GPC6: variants seen among roughly 807,000 people sequenced by gnomAD.
The protein encoded by GPC6 is glypican-6.
A neutral mutation model predicts 55.2 loss-of-function variants in GPC6; 14 were observed. The ratio of observed to expected loss-of-function variants is 0.25; its 90% confidence interval spans 0.17 to 0.40. GPC6 has a LOEUF of 0.40. GPC6 is among the 10% of genes least tolerant of loss of function. The probability of loss-of-function intolerance (pLI) is 1.00; values close to 1 mark genes in which losing one functional copy is unlikely to be tolerated. For missense variants in GPC6, 641 were observed against 708.5 expected, an observed-to-expected ratio of 0.90 and a Z score of 1.08; for synonymous variants, 278 against 259.6, an observed-to-expected ratio of 1.07 and a Z score of -0.68.
chr13:93,849,164 T>C (rs1262299653), intron 3 of GPC6, among the ~76,000 whole-genome samples: 1 of 152,166 alleles, frequency 6.6e-6, no homozygotes, highest in Non-Finnish European at 1.5e-5. Context: ...AGACGTTGAA[T>C]AAATATTATT....
At chr13:93,866,010 T>G (rs1888954877) in intron 3 of GPC6, among the ~76,000 whole-genome samples, 1 of 151,690 alleles carries the variant, frequency 6.6e-6, no homozygotes, top group Non-Finnish European at 1.5e-5. Context: ...GAGTCAAAGC[T>G]TAAGGGTACC....
intron 1 of GPC6, among the ~76,000 whole-genome samples, chr13:93,402,410 T>C (rs552289892): frequency 5.4e-4 from 82 of 152,180 alleles, no homozygotes; most frequent in Non-Finnish European, 8.8e-4. Context: ...TTATTCTTAA[T>C]GAATGATTTT....
At chr13:94,383,522 A>G (rs978235326) in intron 7 of GPC6, among the ~76,000 whole-genome samples, 13 of 152,228 alleles carry the variant, frequency 8.5e-5, no homozygotes, top group African/African-American at 3.1e-4. Context: ...CTTGAGCCCA[A>G]GAGTTTGAAA....
chr13:93,901,386 T>G (rs950403419), intron 3 of GPC6, among the ~76,000 whole-genome samples: 14 of 151,690 alleles, frequency 9.2e-5, no homozygotes, highest in East Asian at 1.9e-4. Context: ...CTACTTTTTT[T>G]TGTGTGTGAA....
chr13:93,446,281 A>G (rs536332996), intron 1 of GPC6, among the ~76,000 whole-genome samples: 34 of 152,230 alleles, frequency 2.2e-4, no homozygotes, highest in African/African-American at 7.9e-4. Flanking sequence ...TAGAACCCCC[A>G]GTTTTTCATC....
At chr13:93,682,683 A>G (rs1308738472) in intron 2 of GPC6, among the ~76,000 whole-genome samples, 1 of 151,204 alleles carries the variant, frequency 6.6e-6, no homozygotes, top group Admixed American at 6.6e-5. Context: ...ATTTTCTTTG[A>G]AAAAAAATAT....
chr13:93,702,557 C>A (rs1882708897), intron 2 of GPC6, among the ~76,000 whole-genome samples: 1 of 152,004 alleles, frequency 6.6e-6, no homozygotes, highest in African/African-American at 2.4e-5. Flanking sequence ...GATTTTTCCT[C>A]TCCAGCTGTG....
intron 2 of GPC6, among the ~76,000 whole-genome samples, chr13:93,812,661 A>G (rs1886734151): frequency 6.6e-6 from 1 of 152,176 alleles, no homozygotes; most frequent in Non-Finnish European, 1.5e-5. Context: ...CATTTTTTAT[A>G]TGCCAAGATA....
chr13:94,161,741 A>T (rs1262410372), intron 4 of GPC6, among the ~76,000 whole-genome samples: 1 of 152,232 alleles, frequency 6.6e-6, no homozygotes, highest in Non-Finnish European at 1.5e-5. Flanking sequence ...GTTTAAAAAA[A>T]CCAACTCAAA....
chr13:94,353,706 T>G (rs1878663301), intron 6 of GPC6, among the ~76,000 whole-genome samples: 1 of 152,222 alleles, frequency 6.6e-6, no homozygotes, highest in African/African-American at 2.4e-5. Flanking sequence ...CTGGAAAGCT[T>G]CAATGCTGAA....
rs563170467 is a variant in GPC6, at chr13:93,318,654, G to A, written c.160+91038G>A. Reference sequence around the variant, plus strand: ...ATTAGAAGGAGGGGTTTCTAGAGCAGAAGAAGTTGCATACCTAGTGCTTGC... The same window carrying A: ...ATTAGAAGGAGGGGTTTCTAGAGCAAAAGAAGTTGCATACCTAGTGCTTGC... On this transcript the variant is annotated intron_variant, in intron 1 of 8. Coordinates refer to ENST00000377047, the MANE Select transcript of GPC6 (RefSeq NM_005708.5). Among the ~76,000 whole-genome samples, 3 of 152,172 alleles carry A rather than the reference G, an allele frequency of 2.0e-5. No homozygotes were observed. In the South Asian group the frequency reaches 6.2e-4, roughly 32 times the overall value.
At chr13:94,159,020 G>A (rs563737971) in intron 4 of GPC6, among the ~76,000 whole-genome samples, 35 of 152,110 alleles carry the variant, frequency 2.3e-4, no homozygotes, top group Non-Finnish European at 4.3e-4. Context: ...ATGTACTAGT[G>A]CTTTCCTCCG....
chr13:93,760,370 C>A (rs1884918529), intron 2 of GPC6, among the ~76,000 whole-genome samples: 1 of 152,108 alleles, frequency 6.6e-6, no homozygotes, highest in South Asian at 2.1e-4. Context: ...CTAGAGACAG[C>A]AAGAGGTCAA....
chr13:94,120,449 TC>T (rs1226598017), intron 4 of GPC6, among the ~76,000 whole-genome samples: 1 of 152,078 alleles, frequency 6.6e-6, no homozygotes, highest in Non-Finnish European at 1.5e-5. Context: ...CCAGGTTTCT[TC>T]CGGTTAATGT....
At chr13:93,826,258 A>G (rs1887244622) in intron 2 of GPC6, among the ~76,000 whole-genome samples, 1 of 152,188 alleles carries the variant, frequency 6.6e-6, no homozygotes, top group Admixed American at 6.5e-5. Flanking sequence ...CTGATTTATC[A>G]TACTGTTGTT....
chr13:94,012,215 A>G (rs1882274319), intron 3 of GPC6, among the ~76,000 whole-genome samples: 2 of 152,198 alleles, frequency 1.3e-5, no homozygotes, highest in Non-Finnish European at 2.9e-5. Flanking sequence ...TGATTACAGC[A>G]TTACCAAACT....
At chr13:94,006,073 T>G (rs1485982632) in intron 3 of GPC6, among the ~76,000 whole-genome samples, 1 of 152,154 alleles carries the variant, frequency 6.6e-6, no homozygotes, top group Non-Finnish European at 1.5e-5. Flanking sequence ...ACATGACAGA[T>G]AGGAACAAAT....
chr13:93,261,760 C>G (rs1327062343), intron 1 of GPC6, among the ~76,000 whole-genome samples: 3 of 152,102 alleles, frequency 2.0e-5, no homozygotes, highest in Non-Finnish European at 4.4e-5. Context: ...AGATAAGCTT[C>G]TTAACTGGTG....
At chr13:93,559,642 C>T (rs1875659831) in intron 2 of GPC6, among the ~76,000 whole-genome samples, 1 of 152,190 alleles carries the variant, frequency 6.6e-6, no homozygotes, top group African/African-American at 2.4e-5. Flanking sequence ...TGAATATTTA[C>T]TTACTATACA....
Sources: gnomAD v4.1 joint callset for allele counts (sites outside exome capture counted in the v4.1 genomes callset) on GRCh38, gnomAD v4.1.1 for gene constraint, MANE v1.5 for transcripts, NCBI Gene and HGNC (gene_info 2026-07-23, HGNC 2026-07-21) for gene names.